The following LMTK3 variants were observed in gnomAD, a reference collection of about 807,000 sequenced individuals.
LMTK3 encodes lemur tail kinase 3.
A neutral mutation model predicts 116.7 loss-of-function variants in LMTK3; 27 were observed. The observed-to-expected ratio is 0.23, with a 90% CI of 0.17 to 0.32. LMTK3 has a LOEUF of 0.32. LMTK3 is among the 10% of genes least tolerant of loss of function. The probability of loss-of-function intolerance (pLI) is 1.00; values close to 1 mark genes in which losing one functional copy is unlikely to be tolerated. For missense variants in LMTK3, 1,764 were observed against 2,068.5 expected, an observed-to-expected ratio of 0.85 and a Z score of 2.86; for synonymous variants, 965 against 971.0, an observed-to-expected ratio of 0.99 and a Z score of 0.11.
chr19:48,504,136 G>A (rs1972523474), intron 5 of LMTK3, among the ~76,000 whole-genome samples: 1 of 152,154 alleles, frequency 6.6e-6, no homozygotes, highest in Admixed American at 6.5e-5. Flanking sequence ...CCAAAGTGCT[G>A]GGATTACAGG....
chr19:48,507,061 G>A (rs1972582862), intron 5 of LMTK3, among the ~76,000 whole-genome samples: 1 of 152,168 alleles, frequency 6.6e-6, no homozygotes, highest in South Asian at 2.1e-4. Flanking sequence ...CAAAGTGCTA[G>A]GATTACAGGC....
chr19:48,502,156 C>T (rs996228907), intron 7 of LMTK3, among the ~76,000 whole-genome samples: 2 of 140,724 alleles, frequency 1.4e-5, no homozygotes, highest in African/African-American at 5.4e-5. Flanking sequence ...TGACCCCTCC[C>T]CCTCCCCTGG....
intron 5 of LMTK3, among the ~76,000 whole-genome samples, chr19:48,503,826 G>C (rs114854058): frequency 0.038 from 5,401 of 143,892 alleles, 337 homozygotes; most frequent in African/African-American, 0.13. Context: ...TTCCTTCCTT[G>C]CTTCCTCCCT....
Position 48,499,764 on chromosome 19 carries a change from C to G in LMTK3, c.1305G>C (p.Trp435Cys). ...PPRDGPFPWP[W>C]PPAHSAPRPG... Reference sequence around the variant, plus strand: ...GGCGGGGCGCACTGTGTGCAGGGGGCCAGGGCCAGGGGAAGGGACCGTCTC... The same window carrying G: ...GGCGGGGCGCACTGTGTGCAGGGGGGCAGGGCCAGGGGAAGGGACCGTCTC... The change falls in exon 11 of 15, where the codon TGG (tryptophan) becomes TGC (cysteine). Residue 435 changes from tryptophan to cysteine, a missense_variant. Coordinates refer to ENST00000600059, the MANE Select transcript of LMTK3 (RefSeq NM_001388485.1). 2.0e-6 allele frequency: 3 copies of G among 1,528,670 alleles called. No individual in the cohort carries two copies. The highest frequency in any genetic ancestry group is 2.5e-5 in the South Asian group (2 of 81,522). 94.7% of individuals were successfully genotyped at this position (1,528,670 alleles called of 1,614,324 possible). A position where few individuals can be genotyped will look rare whatever the true frequency, so the allele number is the denominator to read the frequency against.
chr19:48,491,484 G>C lies in LMTK3; in HGVS notation c.4148C>G (p.Pro1383Arg), dbSNP rs759293310. The C allele has an allele frequency of 7.1e-6, 10 of 1,418,216 alleles. No individual in the cohort carries two copies. The highest frequency in any genetic ancestry group is 1.6e-5 in the South Asian group (1 of 63,020). 87.9% of individuals were successfully genotyped at this position (1,418,216 alleles called of 1,614,324 possible). ...TGTCGGGGGCGCTGGAGGCGTTGAC[G>C]GGTCCGTGTCCCCCTCGGGGGGGGC... ...VQAPPEGDTD[P>R]STPPAPPTPP... Residue 1383 changes from proline to arginine, a missense_variant, in exon 13 of 15, where the codon CCG becomes CGG. Coordinates refer to ENST00000600059, the MANE Select transcript of LMTK3 (RefSeq NM_001388485.1). The surrounding 1 kb of genome is among the most constrained non-coding windows in gnomAD (Gnocchi z 5.1).
rs772498765 is a variant in LMTK3 at position 48,485,416 on chromosome 19, CCT to C, written c.*355_*356del. ...GTCCGGGTCCCCGAAGCCTGCGGCC[CCT>C]GTCTTGGGCCAGGAGTGGGTGAGGA... On this transcript the variant is annotated 3_prime_UTR_variant, in exon 15 of 15. Transcript: ENST00000600059. The C allele has an allele frequency of 6.6e-4, 153 of 232,142 alleles. No individual in the cohort carries two copies. The highest frequency in any genetic ancestry group is 1.1e-3 in the Non-Finnish European group (124 of 117,704). 14.4% of individuals were successfully genotyped at this position (232,142 alleles called of 1,614,324 possible). A position where few individuals can be genotyped will look rare whatever the true frequency, so the allele number is the denominator to read the frequency against.
intron 14 of LMTK3, among the ~76,000 whole-genome samples, 192 bp downstream of exon 14, chr19:48,490,916 G>A (rs536156166): frequency 9.8e-5 from 15 of 152,308 alleles, no homozygotes; most frequent in African/African-American, 3.4e-4. Flanking sequence ...GCCTGCCTAC[G>A]ACCGTCTGAT....
In LMTK3 at chr19:48,508,833, CTG is replaced by C; in HGVS notation, c.557+16_557+17del. The C allele has an allele frequency of 6.3e-7, 1 of 1,593,196 alleles. No homozygotes were observed. The highest frequency in any genetic ancestry group is 1.7e-4 in the Middle Eastern group (1 of 6,016). ...GTCACCTCAACAAGGCACACACCCACTGAGAAACCCTCAGTACCTGTACGGCT... is the reference window on the plus strand; with the variant it reads ...GTCACCTCAACAAGGCACACACCCACAGAAACCCTCAGTACCTGTACGGCT... On this transcript the variant is annotated intron_variant, in intron 5 of 14. Transcript: ENST00000600059.
chr19:48,502,640 C>T (rs1448017591), intron 6 of LMTK3, 59 bp from the exon 7 acceptor site: 4 of 1,501,530 alleles, frequency 2.7e-6, no homozygotes, highest in Non-Finnish European at 3.5e-6. Context: ...AGCTAGTCGG[C>T]CCGGAGGCTG....
upstream of LMTK3, chr19:48,513,208 T>G: frequency 6.5e-7 from 1 of 1,549,320 alleles, no homozygotes; most frequent in Non-Finnish European, 8.8e-7. This position sits in a 1 kb window ranked among gnomAD's most constrained non-coding sequence, Gnocchi z 5.6. Context: ...TACATGATCA[T>G]AGTTTATTTA....
At position 48,485,590 on chromosome 19, in the gene LMTK3, TGGGGGGC is replaced by T. The variant is rs1972107756; in HGVS notation, c.*176_*182del. 2.3e-6 allele frequency: 1 copy of T among 436,784 alleles called. No individual in the cohort carries two copies. Among genetic ancestry groups the T allele is most frequent in the South Asian group, 2.3e-5 (1 of 44,376 alleles). The allele number at this position is 436,784 out of a possible 1,614,324, so 27.1% of individuals were successfully genotyped here. A position where few individuals can be genotyped will look rare whatever the true frequency, so the allele number is the denominator to read the frequency against. On this transcript the variant is annotated 3_prime_UTR_variant, in exon 15 of 15. Coordinates refer to ENST00000600059, the MANE Select transcript of LMTK3 (RefSeq NM_001388485.1). ...GGGTCAGGGGAGCCATCTGGGGGGCTGGGGGGCGGGGGCCCGGGGCCTCCCGTTTGGC... is the reference window on the plus strand; with the variant it reads ...GGGTCAGGGGAGCCATCTGGGGGGCTGGGGGCCCGGGGCCTCCCGTTTGGC...
intron 14 of LMTK3, among the ~76,000 whole-genome samples, chr19:48,487,164 A>G (rs371558761): frequency 1.5e-4 from 23 of 151,776 alleles, no homozygotes; most frequent in Admixed American, 3.9e-4. Flanking sequence ...CCTCCCAAGT[A>G]GCTGAGATTA....
upstream of LMTK3, chr19:48,513,121 A>T (rs933177457): frequency 1.9e-6 from 3 of 1,588,454 alleles, no homozygotes; most frequent in African/African-American, 4.0e-5. The surrounding 1 kb of genome is among the most constrained non-coding windows in gnomAD (Gnocchi z 5.6). Context: ...GCACAGACAC[A>T]CGGGTCGCAA....
intron 4 of LMTK3, among the ~76,000 whole-genome samples, 193 bp from the exon 5 acceptor site, chr19:48,509,162 C>A (rs1263238300): frequency 6.6e-6 from 1 of 151,620 alleles, no homozygotes; most frequent in African/African-American, 2.4e-5. Flanking sequence ...GACGCAGGGA[C>A]GGATGGAAGG....
Position 48,500,555 on chromosome 19 carries a change from G to C in LMTK3, c.1151+441C>G, listed in dbSNP as rs1478359624. Among the ~76,000 whole-genome samples the C allele has an allele frequency of 1.3e-5, 2 of 152,218 alleles. No homozygotes were observed. Among genetic ancestry groups the C allele is most frequent in the Non-Finnish European group, 2.9e-5 (2 of 68,042 alleles). ...GTGGGGCAGAGATCCAGGGAGAAGA[G>C]GGGACAGCAGACGGTAGAGATTCAG... is the stretch of plus-strand genomic sequence containing the variant. On this transcript the variant is annotated intron_variant, in intron 10 of 14. Transcript: ENST00000600059. The surrounding 1 kb of genome is among the most constrained non-coding windows in gnomAD (Gnocchi z 4.0).
At position 48,510,768 on chromosome 19, in the gene LMTK3, T is replaced by C. The variant is rs553099527; in HGVS notation, c.77-176A>G. Among the ~76,000 whole-genome samples, 14 of 152,302 alleles carry C rather than the reference T, an allele frequency of 9.2e-5. 1 individual carries two copies. Among genetic ancestry groups the C allele is most frequent in the Non-Finnish European group, 1.5e-5 (1 of 68,018 alleles). On this transcript the variant is annotated intron_variant, in intron 1 of 14. Coordinates refer to ENST00000600059, the MANE Select transcript of LMTK3 (RefSeq NM_001388485.1). ...TTGTGGGAGTTGTAGTTTGGGGCCT[T>C]CCCAAGTGGTTGGATTGGGGGTGGG...
rs757830160 is a variant in LMTK3 at position 48,502,589 on chromosome 19, G to A, written c.646-8C>T. ...GTAACGCTTCAGGTCCCCCTGGGAG[G>A]GAGGCAAAGAAGGTCAGCACCACCA... On this transcript the variant is annotated splice_region_variant and splice_polypyrimidine_tract_variant and intron_variant, in intron 6 of 14. Coordinates refer to ENST00000600059, the MANE Select transcript of LMTK3 (RefSeq NM_001388485.1). 6.5e-6 allele frequency: 10 copies of A among 1,531,522 alleles called. No homozygotes were observed. In the South Asian group the frequency reaches 1.3e-4, roughly 19 times the overall value. 94.9% of individuals were successfully genotyped at this position (1,531,522 alleles called of 1,614,324 possible).
rs757005300 is a variant in LMTK3 at position 48,509,531 on chromosome 19, G to A, written c.362-18C>T. 14 of 1,541,034 alleles carry A rather than the reference G, an allele frequency of 9.1e-6. No homozygotes were observed. The highest frequency in any genetic ancestry group is 3.4e-4 in the Middle Eastern group (2 of 5,922). ...GGTCATGTCTGGGGAGGGCAAGAGG[G>A]GAAAGCCCCTGAGTCTCTCCCCCTT... On this transcript the variant is annotated intron_variant, in intron 3 of 14. Coordinates refer to ENST00000600059, the MANE Select transcript of LMTK3 (RefSeq NM_001388485.1).
intron 5 of LMTK3, among the ~76,000 whole-genome samples, chr19:48,506,765 A>C (rs1972577867): frequency 6.6e-6 from 1 of 152,122 alleles, no homozygotes; most frequent in Non-Finnish European, 1.5e-5. Context: ...CTGGGGTTCA[A>C]ACAATTCTCC....
Sources: gnomAD v4.1 joint callset for allele counts (sites outside exome capture counted in the v4.1 genomes callset) on GRCh38, gnomAD v4.1.1 for gene constraint, Gnocchi (gnomAD v3.1) non-coding constraint, MANE v1.5 for transcripts, NCBI Gene and HGNC (gene_info 2026-07-23, HGNC 2026-07-21) for gene names.